The following PDZD2 variants were observed in gnomAD, a reference collection of about 807,000 sequenced individuals.
PDZD2 encodes the protein PDZ domain-containing protein 2.
A neutral mutation model predicts 220.7 loss-of-function variants in PDZD2; 90 were observed. The observed-to-expected ratio is 0.41, with a 90% CI of 0.34 to 0.49. The LOEUF is 0.49. Among genes scored for constraint, PDZD2 ranks in the 20% least tolerant of loss-of-function variants. The pLI is 0.28. For missense variants in PDZD2, 3,174 were observed against 3,608.5 expected (o/e 0.88, Z 3.08); for synonymous variants, 1,375 against 1,450.5 (o/e 0.95, Z 1.18).
At chr5:31,640,923 T>C in intron 1 of PDZD2, among the ~76,000 whole-genome samples, 1 of 152,006 alleles carries the variant, frequency 6.6e-6, no homozygotes, top group South Asian at 2.1e-4. Flanking sequence ...ATCAGAACCA[T>C]GTAAAGTATA....
chr5:31,809,295 C>T (rs1754940355), intron 2 of PDZD2, among the ~76,000 whole-genome samples: 2 of 152,136 alleles, frequency 1.3e-5, no homozygotes, highest in Non-Finnish European at 2.9e-5. Context: ...TGCTGGGAGC[C>T]CCAGTCCAGT....
At chr5:32,099,232 G>T (rs921663971) in intron 23 of PDZD2, 1 of 152,868 alleles carries the variant, frequency 6.5e-6, no homozygotes, top group Admixed American at 6.5e-5. Context: ...GCTGTTTAAT[G>T]CCCTGTTAAG....
At chr5:31,867,097 G>A (rs16901644) in intron 2 of PDZD2, among the ~76,000 whole-genome samples, 44,709 of 151,988 alleles carry the variant, frequency 0.29, 8,009 homozygotes, top group African/African-American at 0.5. Flanking sequence ...CCACCTGGTC[G>A]TTTCCTGGGT....
At chr5:31,761,227 C>A (rs776182578) in intron 1 of PDZD2, among the ~76,000 whole-genome samples, 16 of 152,114 alleles carry the variant, frequency 1.1e-4, no homozygotes, top group South Asian at 2.1e-4. Flanking sequence ...AGTGAAAAGT[C>A]ACCCAAACGG....
intron 1 of PDZD2, among the ~76,000 whole-genome samples, chr5:31,666,705 C>T (rs1192583964): frequency 2.6e-5 from 4 of 152,178 alleles, no homozygotes; most frequent in South Asian, 2.1e-4. Context: ...TGAGGCCACG[C>T]GCTGGGCCTG....
chr5:31,800,896 C>T (rs1171845994), intron 2 of PDZD2, among the ~76,000 whole-genome samples: 2 of 152,146 alleles, frequency 1.3e-5, no homozygotes, highest in Admixed American at 6.5e-5. Context: ...ATGATGGAGA[C>T]AGCTCACCCA....
chr5:31,752,634 C>T (rs553205381), intron 1 of PDZD2, among the ~76,000 whole-genome samples: 2 of 152,136 alleles, frequency 1.3e-5, no homozygotes, highest in East Asian at 3.9e-4. Flanking sequence ...AGGCTGGTCT[C>T]GAACTCCTGA....
intron 2 of PDZD2, among the ~76,000 whole-genome samples, chr5:31,885,556 A>G (rs564720430): frequency 5.9e-5 from 9 of 152,340 alleles, no homozygotes; most frequent in African/African-American, 2.2e-4. Context: ...GTAAGTCCAC[A>G]TTACAGAATA....
chr5:31,656,202 AC>A (rs1745546060), intron 1 of PDZD2, among the ~76,000 whole-genome samples: 1 of 151,878 alleles, frequency 6.6e-6, no homozygotes, highest in South Asian at 2.1e-4. Context: ...TGTATTCCAT[AC>A]TCCCACCCAG....
intron 12 of PDZD2, among the ~76,000 whole-genome samples, chr5:32,058,512 TAA>T (rs68030122): frequency 0.62 from 92,748 of 148,548 alleles, 31,883 homozygotes; most frequent in Non-Finnish European, 0.78. Flanking sequence ...CTACTAAAAA[TAA>T]AAAAAAAAAA....
At chr5:31,897,302 A>C (rs1250580029) in intron 2 of PDZD2, among the ~76,000 whole-genome samples, 1 of 152,166 alleles carries the variant, frequency 6.6e-6, no homozygotes, top group Non-Finnish European at 1.5e-5. Flanking sequence ...CTCTTACCAC[A>C]GTGTGAAAAT....
chr5:31,968,307 G>A (rs768179566), intron 2 of PDZD2, among the ~76,000 whole-genome samples: 6 of 152,118 alleles, frequency 3.9e-5, no homozygotes, highest in Non-Finnish European at 5.9e-5. Flanking sequence ...GCAGTGAGCC[G>A]AGATCGCACC....
Position 32,057,924 on chromosome 5 carries a change from T to G in PDZD2, c.2021T>G (p.Val674Gly). 1 of 1,613,962 alleles carries G rather than the reference T, an allele frequency of 6.2e-7. No homozygotes were observed. The highest frequency in any genetic ancestry group is 8.5e-7 in the Non-Finnish European group (1 of 1,179,936). The change falls in exon 12 of 25, where the codon GTG becomes GGG. Residue 674 changes from valine (V) to glycine (G), a missense_variant. By Grantham distance (109) the Val-to-Gly change is moderately radical (BLOSUM62 -3). This residue lies in a region of PDZD2 where 1,861 missense variants were observed against 2,001.0 expected (regional missense o/e 0.93). Coordinates refer to ENST00000438447, the MANE Select transcript of PDZD2 (RefSeq NM_178140.4). ...LFVLTVRTKL[V>G]SPSLTPCSTP... The stretch of plus-strand genomic sequence containing the variant: ...GTTTTAACGGTACGCACAAAGTTGG[T>G]GAGCCCCAGCCTCACACCCTGCTCG...
chr5:31,777,164 G>C (rs1223840171), intron 1 of PDZD2, among the ~76,000 whole-genome samples: 1 of 152,194 alleles, frequency 6.6e-6, no homozygotes, highest in East Asian at 1.9e-4. Context: ...GTGAGTTCCG[G>C]GTGGGCACGG....
chr5:31,848,277 A>G (rs1757706452), intron 2 of PDZD2: 1 of 176,374 alleles, frequency 5.7e-6, no homozygotes, highest in Non-Finnish European at 1.2e-5. Context: ...GGAAAACCTC[A>G]TTTCAGTTCA....
At chr5:31,793,242 G>T (rs890161424) in intron 1 of PDZD2, among the ~76,000 whole-genome samples, 6 of 122,284 alleles carry the variant, frequency 4.9e-5, no homozygotes, top group African/African-American at 1.5e-4. Context: ...TAAGGTGGTT[G>T]TGAGGATTGT....
At chr5:31,754,816 A>G (rs539324276) in intron 1 of PDZD2, among the ~76,000 whole-genome samples, 63 of 152,354 alleles carry the variant, frequency 4.1e-4, no homozygotes, top group African/African-American at 1.2e-3. Context: ...CAGGACCACG[A>G]AAGTCCCTTC....
In PDZD2 at chr5:32,069,631, C is replaced by G; in HGVS notation, c.2514C>G (p.Ala838=). 1 of 1,550,390 alleles carries G rather than the reference C, an allele frequency of 6.4e-7. No homozygotes were observed. Among genetic ancestry groups the G allele is most frequent in the Non-Finnish European group, 8.9e-7 (1 of 1,121,766 alleles). Residue 838 remains alanine, a synonymous_variant, in exon 15 of 25, where the codon GCC becomes GCG. Transcript: ENST00000438447. ...GCACTTATCAGGAGAGCAAAGAGGCCAATTCCTCTCCTGGCTTAGGTACTG... is the reference window on the plus strand; with the variant it reads ...GCACTTATCAGGAGAGCAAAGAGGCGAATTCCTCTCCTGGCTTAGGTACTG... ...ARSTYQESKE[A]NSSPGLGTPL...
chr5:32,106,978 A>G (rs6862543), intron 24 of PDZD2, among the ~76,000 whole-genome samples: 61,538 of 152,030 alleles, frequency 0.4, 12,528 homozygotes, highest in East Asian at 0.51. Context: ...TATTTTTATC[A>G]CATAATATTT....
Sources: allele counts gnomAD v4.1 joint callset (sites outside exome capture counted in the v4.1 genomes callset), GRCh38; gene constraint gnomAD v4.1.1; regional missense constraint gnomAD v4.1.1; transcripts MANE v1.5; gene names NCBI Gene and HGNC (gene_info 2026-07-23, HGNC 2026-07-21).